LHFPL3: variants seen among roughly 807,000 people sequenced by gnomAD.
LHFPL3 encodes the protein LHFPL tetraspan subfamily member 3, also known as LHFPL tetraspan subfamily member 3 protein.
LHFPL3 carries 5 observed loss-of-function variants against 19.3 expected under a neutral mutation model. The ratio of observed to expected loss-of-function variants is 0.26; its 90% CI spans 0.14 to 0.54. LHFPL3 has a LOEUF of 0.54. Among genes scored for constraint, LHFPL3 ranks in the 20% least tolerant of loss-of-function variants. The pLI, the probability that LHFPL3 is intolerant of heterozygous loss-of-function variation, is 0.94. For synonymous variants in LHFPL3, 133 were observed against 126.2 expected (o/e 1.05, Z -0.36); for missense variants, 249 against 307.4 (o/e 0.81, Z 1.42).
intron 1 of LHFPL3, among the ~76,000 whole-genome samples, chr7:104,630,646 C>T (rs2891730): frequency 0.72 from 110,022 of 151,956 alleles, 39,924 homozygotes; most frequent in Middle Eastern, 0.75. Flanking sequence ...ATTTACTTAC[C>T]TGATCTTTAC....
chr7:104,820,766 A>G (rs1314362065), intron 2 of LHFPL3, among the ~76,000 whole-genome samples: 2 of 152,226 alleles, frequency 1.3e-5, no homozygotes, highest in East Asian at 3.8e-4. Context: ...CCAAAGAAGC[A>G]GAGGCCTCTA....
chr7:104,513,370 G>A (rs1185090342), intron 1 of LHFPL3, among the ~76,000 whole-genome samples: 1 of 152,150 alleles, frequency 6.6e-6, no homozygotes, highest in Non-Finnish European at 1.5e-5. Flanking sequence ...AAAAATGGTT[G>A]ATAACTCCCA....
intron 1 of LHFPL3, among the ~76,000 whole-genome samples, chr7:104,474,640 C>A (rs1792972799): frequency 7.0e-6 from 1 of 143,618 alleles, no homozygotes; most frequent in Non-Finnish European, 1.5e-5. Flanking sequence ...GCACTCCAGC[C>A]TGGGCGACAG....
At chr7:104,501,572 A>T (rs1255001860) in intron 1 of LHFPL3, among the ~76,000 whole-genome samples, 1 of 152,220 alleles carries the variant, frequency 6.6e-6, no homozygotes, top group Non-Finnish European at 1.5e-5. Flanking sequence ...ATGGTGAGTC[A>T]TACTGATAGT....
At chr7:104,831,250 T>A (rs1790948833) in intron 2 of LHFPL3, among the ~76,000 whole-genome samples, 1 of 151,918 alleles carries the variant, frequency 6.6e-6, no homozygotes, top group Non-Finnish European at 1.5e-5. Flanking sequence ...ATATGCATAA[T>A]ATGATACTGA....
chr7:104,352,319 T>G (rs1790193531), intron 1 of LHFPL3, among the ~76,000 whole-genome samples: 1 of 152,196 alleles, frequency 6.6e-6, no homozygotes, highest in South Asian at 2.1e-4. Flanking sequence ...CATTTATATT[T>G]TAACCATTTT....
intron 2 of LHFPL3, among the ~76,000 whole-genome samples, chr7:104,831,568 C>A (rs1377693456): frequency 6.6e-6 from 1 of 151,978 alleles, no homozygotes; most frequent in Admixed American, 6.5e-5. Context: ...CCTCACCCAC[C>A]CCTTCTTTAC....
At chr7:104,670,760 T>C (rs1792461776) in intron 1 of LHFPL3, among the ~76,000 whole-genome samples, 1 of 152,192 alleles carries the variant, frequency 6.6e-6, no homozygotes, top group Admixed American at 6.5e-5. Context: ...GGAGCCTTTC[T>C]TACAACCTTG....
intron 1 of LHFPL3, among the ~76,000 whole-genome samples, chr7:104,355,993 C>T (rs1228440172): frequency 6.6e-6 from 1 of 151,934 alleles, no homozygotes; most frequent in Non-Finnish European, 1.5e-5. Flanking sequence ...TACAGATGTA[C>T]CTAATTAAGA....
At chr7:104,531,279 A>C (rs1794289129) in intron 1 of LHFPL3, among the ~76,000 whole-genome samples, 1 of 152,354 alleles carries the variant, frequency 6.6e-6, no homozygotes, top group Admixed American at 6.5e-5. Context: ...TAAGAGCTGC[A>C]GGAAGCAGGA....
At chr7:104,443,476 A>G (rs1162830028) in intron 1 of LHFPL3, among the ~76,000 whole-genome samples, 4 of 152,204 alleles carry the variant, frequency 2.6e-5, no homozygotes, top group Non-Finnish European at 5.9e-5. Context: ...CACCATGTCT[A>G]CCACTCAGAT....
At chr7:104,568,969 G>A (rs1790176400) in intron 1 of LHFPL3, among the ~76,000 whole-genome samples, 1 of 150,176 alleles carries the variant, frequency 6.7e-6, no homozygotes, top group Non-Finnish European at 1.5e-5. Flanking sequence ...ACATAATTAT[G>A]TTTGAACAAA....
At chr7:104,412,842 C>T (rs574882761) in intron 1 of LHFPL3, among the ~76,000 whole-genome samples, 96 of 152,262 alleles carry the variant, frequency 6.3e-4, no homozygotes, top group African/African-American at 2.2e-3. Flanking sequence ...AGACCAGATA[C>T]ATCCTACTAA....
chr7:104,844,161 G>A (rs1467412701), intron 2 of LHFPL3, among the ~76,000 whole-genome samples: 1 of 152,236 alleles, frequency 6.6e-6, no homozygotes, highest in African/African-American at 2.4e-5. Context: ...GGGAAAGAAT[G>A]GGGGAGAGAA....
chr7:104,828,237 CAT>C (rs1790863994), intron 2 of LHFPL3, among the ~76,000 whole-genome samples: 1 of 151,940 alleles, frequency 6.6e-6, no homozygotes, highest in South Asian at 2.1e-4. Context: ...GTTTGAAAGA[CAT>C]AGTCAACTTT....
intron 1 of LHFPL3, among the ~76,000 whole-genome samples, chr7:104,696,031 A>G (rs1172427171): frequency 1.3e-5 from 2 of 151,980 alleles, no homozygotes; most frequent in East Asian, 3.9e-4. Flanking sequence ...GCTCACTGCA[A>G]CCTCCGCCTC....
At chr7:104,729,542 G>A (rs955568148) in intron 1 of LHFPL3, among the ~76,000 whole-genome samples, 5 of 151,954 alleles carry the variant, frequency 3.3e-5, no homozygotes, top group Non-Finnish European at 7.4e-5. Context: ...TCCCTCCCAA[G>A]CCTCTGATAA....
intron 2 of LHFPL3, among the ~76,000 whole-genome samples, chr7:104,772,049 G>C (rs936619863): frequency 6.6e-6 from 1 of 151,798 alleles, no homozygotes; most frequent in African/African-American, 2.4e-5. Context: ...TCGATCTCTT[G>C]ACCTCGTGAT....
intron 2 of LHFPL3, among the ~76,000 whole-genome samples, chr7:104,792,981 T>C (rs1353452130): frequency 1.3e-5 from 2 of 152,128 alleles, no homozygotes; most frequent in African/African-American, 4.8e-5. Flanking sequence ...CTGCAACCTC[T>C]ACCTCCCAGT....
Sources: gnomAD v4.1 joint callset for allele counts (sites outside exome capture counted in the v4.1 genomes callset) on GRCh38, gnomAD v4.1.1 for gene constraint, MANE v1.5 for transcripts, NCBI Gene and HGNC (gene_info 2026-07-23, HGNC 2026-07-21) for gene names.